The following ZFHX3 variants were observed in gnomAD, a reference collection of about 807,000 sequenced individuals.
ZFHX3 encodes zinc finger homeobox protein 3.
ZFHX3 carries 42 observed loss-of-function variants against 279.1 expected under a neutral mutation model. The ratio of observed to expected loss-of-function variants is 0.15; its 90% CI spans 0.12 to 0.19. The LOEUF is 0.19. Ranked by LOEUF, ZFHX3 falls within the 10% of genes least tolerant of loss-of-function variation. ZFHX3 has a pLI of 1.00. For missense variants in ZFHX3, 4,981 were observed against 4,754.0 expected (o/e 1.05, Z -1.40); for synonymous variants, 2,293 against 1,957.8 (o/e 1.17, Z -4.52).
intron 6 of ZFHX3, chr16:73,131,211 C>A: frequency 3.1e-6 from 1 of 322,432 alleles, no homozygotes; most frequent in Non-Finnish European, 6.5e-6. Flanking sequence ...ATAGCAGGAC[C>A]TGCAAAAGGT....
intron 2 of ZFHX3, among the ~76,000 whole-genome samples, chr16:73,492,128 C>T (rs2143648065): frequency 6.6e-6 from 1 of 152,324 alleles, no homozygotes; most frequent in South Asian, 2.1e-4. Flanking sequence ...CATCTCCTTA[C>T]ATGAAATCTG....
chr16:73,778,076 C>G (rs1035934109), intron 1 of ZFHX3, among the ~76,000 whole-genome samples: 5 of 149,874 alleles, frequency 3.3e-5, no homozygotes, highest in African/African-American at 1.3e-4. Context: ...TAATATCAAA[C>G]AAAATAAATA....
chr16:72,993,782 T>C (rs1393075346), intron 1 of ZFHX3, among the ~76,000 whole-genome samples: 2 of 152,112 alleles, frequency 1.3e-5, no homozygotes, highest in African/African-American at 4.8e-5. Context: ...CATGGTAGCT[T>C]TCCCACGTGG....
Position 73,598,850 on chromosome 16 carries a change from G to A in ZFHX3, c.-1547+81330C>T, listed in dbSNP as rs536127144. On this transcript the variant is annotated intron_variant, in intron 2 of 17. Coordinates refer to the ZFHX3 transcript ENST00000641206. ...GCAATCTCCACTCACTGCAAACTCCGCCTCCTGGCTTCAAGCAATTCTCTG... is the reference window on the plus strand; with the variant it reads ...GCAATCTCCACTCACTGCAAACTCCACCTCCTGGCTTCAAGCAATTCTCTG... 1.1e-3 allele frequency among the ~76,000 whole-genome samples: 172 copies of A among 152,256 alleles called. 1 individual carries two copies. Among genetic ancestry groups the A allele is most frequent in the Non-Finnish European group, 1.9e-3 (127 of 68,020 alleles).
intron 5 of ZFHX3, among the ~76,000 whole-genome samples, chr16:73,226,300 G>C (rs2012589245): frequency 6.6e-6 from 1 of 152,220 alleles, no homozygotes; most frequent in Non-Finnish European, 1.5e-5. Context: ...CAATAAGACA[G>C]CGCGGAACTC....
Position 72,957,768 on chromosome 16 carries a change from G to T in ZFHX3, c.2378C>A (p.Pro793His), listed in dbSNP as rs1287443909. The T allele has an allele frequency of 1.2e-6, 2 of 1,614,106 alleles. No individual in the cohort carries two copies. The highest frequency in any genetic ancestry group is 3.3e-5 in the Admixed American group (2 of 60,032). The change falls in exon 2 of 10, where the codon CCC becomes CAC. Residue 793 changes from proline to histidine, a missense_variant. Coordinates refer to ENST00000268489, the MANE Select transcript of ZFHX3 (RefSeq NM_006885.4). ...AANISSSCGAPSPTKPKTKPT... is the reference protein window; with the variant it reads ...AANISSSCGAHSPTKPKTKPT... ...TTTGGTTTTTGGTTTGGTCGGCGAG[G>T]GGGCCCCGCAGGAGCTACTGATATT...
chr16:72,872,659 A>G (rs925526309), intron 4 of ZFHX3, among the ~76,000 whole-genome samples: 15 of 152,124 alleles, frequency 9.9e-5, no homozygotes, highest in Non-Finnish European at 1.0e-4. Context: ...GGGTTTCACT[A>G]TGTTGGCCAG....
At chr16:73,536,906 G>T (rs1371961979) in intron 2 of ZFHX3, among the ~76,000 whole-genome samples, 1 of 152,062 alleles carries the variant, frequency 6.6e-6, no homozygotes, top group African/African-American at 2.4e-5. Flanking sequence ...AGATGTATTT[G>T]CATAGGTTAA....
chr16:73,437,367 C>G (rs2018015435), intron 3 of ZFHX3, among the ~76,000 whole-genome samples: 1 of 152,112 alleles, frequency 6.6e-6, no homozygotes, highest in Non-Finnish European at 1.5e-5. Flanking sequence ...TACCAATTAA[C>G]TAATTTTAGG....
At chr16:73,797,464 A>G (rs1447049550) in intron 1 of ZFHX3, among the ~76,000 whole-genome samples, 2 of 152,210 alleles carry the variant, frequency 1.3e-5, no homozygotes, top group African/African-American at 2.4e-5. Flanking sequence ...GCTGCTGGTT[A>G]AATGTTTAGG....
chr16:73,602,953 C>CA (rs2052136744), intron 2 of ZFHX3, among the ~76,000 whole-genome samples: 1 of 121,962 alleles, frequency 8.2e-6, no homozygotes, highest in South Asian at 2.6e-4. Flanking sequence ...AAAAAAAAAT[C>CA]ACCATCTGAT....
At chr16:73,383,038 T>G (rs148463534) in intron 3 of ZFHX3, among the ~76,000 whole-genome samples, 1,980 of 152,266 alleles carry the variant, frequency 0.013, 49 homozygotes, top group African/African-American at 0.045. Flanking sequence ...GATCCTAAAC[T>G]AACACAGGAG....
intron 1 of ZFHX3, among the ~76,000 whole-genome samples, chr16:73,011,524 C>T (rs1426154237): frequency 1.3e-5 from 2 of 151,928 alleles, no homozygotes; most frequent in Admixed American, 6.6e-5. Context: ...GGGCAGATCA[C>T]GAGGTCAAGA....
At chr16:73,503,248 A>G (rs2019269713) in intron 2 of ZFHX3, among the ~76,000 whole-genome samples, 1 of 152,216 alleles carries the variant, frequency 6.6e-6, no homozygotes, top group South Asian at 2.1e-4. Flanking sequence ...CATGTGTCAC[A>G]TTGTAACATC....
chr16:72,999,319 G>A (rs535221208), intron 1 of ZFHX3, among the ~76,000 whole-genome samples: 7 of 152,096 alleles, frequency 4.6e-5, no homozygotes, highest in Non-Finnish European at 8.8e-5. Context: ...CGCCACACCC[G>A]GCTAATTTTT....
chr16:73,189,688 C>G (rs1220252723), intron 5 of ZFHX3, among the ~76,000 whole-genome samples: 1 of 152,200 alleles, frequency 6.6e-6, no homozygotes, highest in Non-Finnish European at 1.5e-5. Flanking sequence ...TTTCACCTCT[C>G]TTTGGTAGGG....
chr16:73,168,215 CTTT>C (rs1967426957), intron 5 of ZFHX3, among the ~76,000 whole-genome samples: 1 of 92,462 alleles, frequency 1.1e-5, no homozygotes, highest in Non-Finnish European at 2.2e-5. Context: ...CTTTTGTTTT[CTTT>C]CTTTCTTTCT....
intron 5 of ZFHX3, among the ~76,000 whole-genome samples, chr16:73,211,574 T>C (rs2012018819): frequency 6.6e-6 from 1 of 152,082 alleles, no homozygotes; most frequent in Admixed American, 6.5e-5. Flanking sequence ...GTGAGGCTGC[T>C]AGATGGAGAA....
At chr16:73,032,439 C>A (rs1216350166) in intron 1 of ZFHX3, among the ~76,000 whole-genome samples, 7 of 152,262 alleles carry the variant, frequency 4.6e-5, no homozygotes, top group South Asian at 4.1e-4. Flanking sequence ...AACAAAAAAA[C>A]CAGAGGTATA....
Sources: allele counts gnomAD v4.1 joint callset (sites outside exome capture counted in the v4.1 genomes callset), GRCh38; gene constraint gnomAD v4.1.1; transcripts MANE v1.5; gene names NCBI Gene and HGNC (gene_info 2026-07-23, HGNC 2026-07-21).